Variants in EYS observed in about 807,000 individuals in gnomAD.
EYS encodes the protein protein eyes shut homolog.
EYS carries 250 observed loss-of-function variants against 282.1 expected under a neutral mutation model. That is an observed-to-expected ratio of 0.89 (90% CI 0.80 to 0.98). EYS has a LOEUF of 0.98. Ranked by LOEUF, EYS falls within the 50% of genes least tolerant of loss-of-function variation. The pLI, the probability that EYS is intolerant of heterozygous loss-of-function variation, is 0.00. For missense variants in EYS, 4,016 were observed against 3,709.0 expected, an observed-to-expected ratio of 1.08 and a Z score of -2.15; for synonymous variants, 1,355 against 1,282.9, an observed-to-expected ratio of 1.06 and a Z score of -1.20.
chr6:64,830,014 T>C (rs922110496), intron 19 of EYS, among the ~76,000 whole-genome samples: 2 of 151,974 alleles, frequency 1.3e-5, no homozygotes, highest in African/African-American at 2.4e-5. Flanking sequence ...TATTGTGATA[T>C]GGACTGAAAT....
At chr6:64,080,227 CCTGA>C (rs1771917475) in intron 32 of EYS, among the ~76,000 whole-genome samples, 2 of 152,168 alleles carry the variant, frequency 1.3e-5, no homozygotes, top group East Asian at 3.8e-4. Context: ...CCTGTTGTTT[CCTGA>C]CTTTTTAATG....
At chr6:64,728,206 C>A (rs932166587) in intron 22 of EYS, among the ~76,000 whole-genome samples, 2 of 152,054 alleles carry the variant, frequency 1.3e-5, no homozygotes, top group Non-Finnish European at 2.9e-5. Context: ...GTACCCATGA[C>A]CCCTGAAGCC....
chr6:65,440,049 G>A (rs1479674537), intron 5 of EYS, among the ~76,000 whole-genome samples: 4 of 152,002 alleles, frequency 2.6e-5, no homozygotes, highest in Non-Finnish European at 5.9e-5. Flanking sequence ...AGCTGTTTTA[G>A]TGCATAGAGT....
At chr6:63,893,928 G>T (rs150382165) in intron 35 of EYS, among the ~76,000 whole-genome samples, 85 of 152,234 alleles carry the variant, frequency 5.6e-4, no homozygotes, top group African/African-American at 2.0e-3. Context: ...CTTTCCTGGA[G>T]ATCTTTAAAA....
At chr6:64,861,386 G>T (rs190575368) in intron 19 of EYS, among the ~76,000 whole-genome samples, 145 of 152,332 alleles carry the variant, frequency 9.5e-4, no homozygotes, top group African/African-American at 3.2e-3. Flanking sequence ...CAGGCAGCAG[G>T]AGCAGGCACC....
At chr6:63,884,476 AG>A (rs937469021) in intron 35 of EYS, among the ~76,000 whole-genome samples, 85 of 152,206 alleles carry the variant, frequency 5.6e-4, no homozygotes, top group African/African-American at 1.8e-3. Context: ...AATGTTACCT[AG>A]CTTGATTTGG....
intron 33 of EYS, among the ~76,000 whole-genome samples, chr6:64,058,028 T>G (rs906596953): frequency 1.3e-5 from 2 of 152,162 alleles, no homozygotes; most frequent in Admixed American, 1.3e-4. Context: ...TTCACCATGT[T>G]GCCCAGGCTG....
intron 30 of EYS, among the ~76,000 whole-genome samples, chr6:64,271,190 T>C (rs1364008795): frequency 6.6e-6 from 1 of 152,160 alleles, no homozygotes; most frequent in Non-Finnish European, 1.5e-5. Context: ...TATAAGATAC[T>C]GTTACTCTTT....
chr6:63,898,059 C>T (rs956629146), intron 35 of EYS, among the ~76,000 whole-genome samples: 3 of 152,148 alleles, frequency 2.0e-5, no homozygotes, highest in Non-Finnish European at 4.4e-5. Context: ...CTGAAGTAGA[C>T]GTAAAAATAT....
chr6:64,690,787 C>A (rs1770353136), intron 22 of EYS, among the ~76,000 whole-genome samples: 1 of 151,782 alleles, frequency 6.6e-6, no homozygotes, highest in Non-Finnish European at 1.5e-5. Context: ...AATGAGAACA[C>A]TTGGACAAAG....
intron 26 of EYS, among the ~76,000 whole-genome samples, chr6:64,578,610 T>TGTGTGTGTGTG (rs1331546709): frequency 4.0e-5 from 6 of 149,656 alleles, no homozygotes; most frequent in Admixed American, 2.0e-4. Context: ...TGTGTGTGTG[T>TGTGTGTGTGTG]GTGTGTGTGT....
At chr6:65,580,817 C>T (rs1764839790) in intron 2 of EYS, among the ~76,000 whole-genome samples, 1 of 151,984 alleles carries the variant, frequency 6.6e-6, no homozygotes, top group Non-Finnish European at 1.5e-5. Flanking sequence ...ATACTTCATC[C>T]TAAAACTTCA....
intron 40 of EYS, among the ~76,000 whole-genome samples, chr6:63,776,565 TAC>T (rs1409382203): frequency 1.3e-5 from 2 of 152,212 alleles, no homozygotes; most frequent in Admixed American, 1.3e-4. Flanking sequence ...AATGCTTTGT[TAC>T]ACACAAAGTC....
In EYS at chr6:64,492,483, T is replaced by C. The variant is rs1460548276; in HGVS notation, c.5645-53131A>G. Reference sequence around the variant, plus strand: ...GGTCCTGTTTTTTTGTTGTTGTTGTTGTTGTTGTTTTCTATTTAGCCTTTG... The same window carrying C: ...GGTCCTGTTTTTTTGTTGTTGTTGTCGTTGTTGTTTTCTATTTAGCCTTTG... On this transcript the variant is annotated intron_variant, in intron 26 of 42. Coordinates refer to ENST00000503581, the MANE Select transcript of EYS (RefSeq NM_001142800.2). Among the ~76,000 whole-genome samples, 4 of 151,330 alleles carry C rather than the reference T, an allele frequency of 2.6e-5. No homozygotes were observed. The East Asian group carries it at 7.8e-4, about 29-fold the overall frequency.
intron 35 of EYS, among the ~76,000 whole-genome samples, chr6:63,982,977 T>C (rs1767172231): frequency 1.3e-5 from 2 of 151,848 alleles, no homozygotes; most frequent in Non-Finnish European, 2.9e-5. Context: ...CACGTTCTTC[T>C]ATGGGGTTTG....
At chr6:64,096,238 CT>C (rs1363736682) in intron 31 of EYS, among the ~76,000 whole-genome samples, 1 of 152,132 alleles carries the variant, frequency 6.6e-6, no homozygotes, top group African/African-American at 2.4e-5. Context: ...CTTGAAGTTG[CT>C]TTTCTCGAGG....
intron 12 of EYS, among the ~76,000 whole-genome samples, chr6:65,067,127 G>A (rs1253252573): frequency 1.3e-5 from 2 of 152,084 alleles, no homozygotes; most frequent in African/African-American, 2.4e-5. Context: ...ACTAGAGAGT[G>A]AGAAAAAGTT....
chr6:64,390,258 G>A (rs1773070877), intron 28 of EYS, among the ~76,000 whole-genome samples: 1 of 152,266 alleles, frequency 6.6e-6, no homozygotes, highest in Admixed American at 6.5e-5. Flanking sequence ...AGCTCCAACT[G>A]GGTGGAGCCC....
intron 36 of EYS, among the ~76,000 whole-genome samples, chr6:63,856,513 A>G (rs1365596728): frequency 6.6e-6 from 1 of 152,206 alleles, no homozygotes; most frequent in Admixed American, 6.5e-5. Context: ...AGAGTTTGAT[A>G]GTGAATAGTC....
Sources: gnomAD v4.1 joint callset for allele counts (sites outside exome capture counted in the v4.1 genomes callset) on GRCh38, gnomAD v4.1.1 for gene constraint, MANE v1.5 for transcripts, NCBI Gene and HGNC (gene_info 2026-07-23, HGNC 2026-07-21) for gene names.